The following PHTF2 variants were observed in gnomAD, a reference collection of about 807,000 sequenced individuals.
The protein encoded by PHTF2 is putative homeodomain transcription factor 2.
In PHTF2, 60 loss-of-function variants were observed where a neutral mutation model predicts 101.2. The ratio of observed to expected loss-of-function variants is 0.59; its 90% CI spans 0.48 to 0.73. The LOEUF (loss-of-function observed/expected upper bound fraction) is 0.73, where lower values mean the gene tolerates loss of function less well. PHTF2 is among the 30% of genes least tolerant of loss of function. The pLI is 0.00. For missense variants in PHTF2, 747 were observed against 908.7 expected (o/e 0.82, Z 2.29); for synonymous variants, 311 against 307.3 (o/e 1.01, Z -0.13).
At chr7:77,920,368 G>A (rs764866568) in exon 10 of PHTF2, 1 of 1,611,658 alleles carries the variant, frequency 6.2e-7, no homozygotes, top group East Asian at 2.2e-5. Flanking sequence ...GTTAAAAGCG[G>A]TGAAGATGGA....
chr7:77,817,174 C>A (rs1377791816), intron 1 of PHTF2, among the ~76,000 whole-genome samples: 1 of 152,200 alleles, frequency 6.6e-6, no homozygotes, highest in Non-Finnish European at 1.5e-5. Context: ...TACTAGTTTA[C>A]ATTCCTACCA....
At chr7:77,891,566 A>G (rs1354087326) in intron 3 of PHTF2, among the ~76,000 whole-genome samples, 2 of 130,438 alleles carry the variant, frequency 1.5e-5, no homozygotes, top group African/African-American at 3.4e-5. Flanking sequence ...TTTTGGGGGT[A>G]TAATATGGTT....
intron 15 of PHTF2, among the ~76,000 whole-genome samples, chr7:77,941,243 G>A (rs1016394851): frequency 2.0e-5 from 3 of 152,076 alleles, no homozygotes; most frequent in Non-Finnish European, 4.4e-5. Context: ...AATAATCAAA[G>A]AAGCCCTAAT....
At chr7:77,828,867 C>CA (rs1421536387) in intron 1 of PHTF2, among the ~76,000 whole-genome samples, 3 of 150,964 alleles carry the variant, frequency 2.0e-5, no homozygotes, top group East Asian at 1.9e-4. Flanking sequence ...GACTCCATCT[C>CA]AAAAAAAATA....
rs544431750 is a variant in PHTF2 at position 77,837,130 on chromosome 7, A to G, written c.-35-3091A>G. Among the ~76,000 whole-genome samples, 4 of 152,324 alleles carry G rather than the reference A, an allele frequency of 2.6e-5. No individual in the cohort carries two copies. The East Asian group carries it at 5.8e-4, about 22-fold the overall frequency. On this transcript the variant is annotated intron_variant, in intron 1 of 19. Coordinates refer to ENST00000416283, the Ensembl canonical transcript of PHTF2. ...GATTATTTCTAAATAAATAAAGATT[A>G]TGCATCATAATACCCATCCTTGTAT...
intron 3 of PHTF2, among the ~76,000 whole-genome samples, chr7:77,864,524 T>C (rs1584523824): frequency 6.6e-6 from 1 of 152,232 alleles, no homozygotes; most frequent in South Asian, 2.1e-4. Flanking sequence ...CAACTTTTCT[T>C]ACCTTCTAAC....
chr7:77,914,474 C>T (rs1028985106), intron 9 of PHTF2, among the ~76,000 whole-genome samples: 3 of 152,230 alleles, frequency 2.0e-5, no homozygotes, highest in Non-Finnish European at 2.9e-5. Context: ...TGATGGTTCA[C>T]TGACTGGCTG....
intron 3 of PHTF2, among the ~76,000 whole-genome samples, chr7:77,875,793 G>A (rs1000721569): frequency 1.3e-5 from 2 of 151,984 alleles, no homozygotes; most frequent in African/African-American, 2.4e-5. Context: ...TCCTGACCTC[G>A]TGATCTGCCT....
At chr7:77,832,832 A>G (rs1481544015) in intron 1 of PHTF2, among the ~76,000 whole-genome samples, 1 of 152,088 alleles carries the variant, frequency 6.6e-6, no homozygotes, top group African/African-American at 2.4e-5. Context: ...AATAATAGAA[A>G]TAAAGTATAC....
At chr7:77,944,802 A>G (rs1805911024) in intron 16 of PHTF2, among the ~76,000 whole-genome samples, 1 of 152,246 alleles carries the variant, frequency 6.6e-6, no homozygotes, top group Non-Finnish European at 1.5e-5. Flanking sequence ...TTTGAAAAAG[A>G]ACTTCAGACA....
chr7:77,926,176 C>G (rs145084511), intron 11 of PHTF2, among the ~76,000 whole-genome samples: 68 of 152,270 alleles, frequency 4.5e-4, no homozygotes, highest in Middle Eastern at 3.4e-3. Flanking sequence ...AGTCATCAGG[C>G]CTTTAATCCT....
intron 1 of PHTF2, among the ~76,000 whole-genome samples, chr7:77,800,100 A>G (rs1267544520): frequency 6.6e-6 from 1 of 151,508 alleles, no homozygotes. Context: ...GGCTTTTTTC[A>G]CCATATTTTT....
At chr7:77,944,040 C>T (rs1046231085) in intron 16 of PHTF2, among the ~76,000 whole-genome samples, 1 of 151,954 alleles carries the variant, frequency 6.6e-6, no homozygotes, top group African/African-American at 2.4e-5. Flanking sequence ...AAACAATGCT[C>T]GGGGGAACCC....
At chr7:77,882,908 T>C (rs184136153) in intron 3 of PHTF2, among the ~76,000 whole-genome samples, 4 of 152,174 alleles carry the variant, frequency 2.6e-5, no homozygotes, top group Admixed American at 1.3e-4. Flanking sequence ...ATCTGACTTA[T>C]ACAAACTTCT....
rs1208575413 is a variant in PHTF2, at chr7:77,893,325, A to G, written c.148-283A>G. 2.0e-5 allele frequency among the ~76,000 whole-genome samples: 3 copies of G among 151,828 alleles called. 1 individual carries two copies. The highest frequency in any genetic ancestry group is 4.1e-4 in the South Asian group (2 of 4,820). Reference sequence around the variant, plus strand: ...TCTGTTCAAGAGGGATTTTTAAAACATAGGTTTTGGGGCCTCACTCTTGTA... The same window carrying G: ...TCTGTTCAAGAGGGATTTTTAAAACGTAGGTTTTGGGGCCTCACTCTTGTA... On this transcript the variant is annotated intron_variant, in intron 3 of 19. Coordinates refer to ENST00000416283, the Ensembl canonical transcript of PHTF2.
At chr7:77,854,962 C>G in intron 3 of PHTF2, 2 of 598,972 alleles carry the variant, frequency 3.3e-6, no homozygotes, top group Non-Finnish European at 6.0e-6. Context: ...GCCTGGTGTT[C>G]TACCCTACTG....
At chr7:77,916,652 C>T (rs1802953964) in intron 9 of PHTF2, among the ~76,000 whole-genome samples, 1 of 152,108 alleles carries the variant, frequency 6.6e-6, no homozygotes, top group Admixed American at 6.5e-5. Context: ...CAACCACCCC[C>T]CCACCCAGGA....
At chr7:77,834,888 A>G (rs894266211) in intron 1 of PHTF2, among the ~76,000 whole-genome samples, 1 of 152,212 alleles carries the variant, frequency 6.6e-6, no homozygotes, top group African/African-American at 2.4e-5. Flanking sequence ...CTGTGTGGCC[A>G]CATACTGCTT....
At chr7:77,903,541 T>C (rs1380907313) in intron 7 of PHTF2, among the ~76,000 whole-genome samples, 4 of 152,246 alleles carry the variant, frequency 2.6e-5, no homozygotes, top group African/African-American at 9.6e-5. Context: ...ATATTGTGTC[T>C]GAAATTTACT....
Sources: gnomAD v4.1 joint callset for allele counts (sites outside exome capture counted in the v4.1 genomes callset) on GRCh38, gnomAD v4.1.1 for gene constraint, MANE v1.5 for transcripts, NCBI Gene and HGNC (gene_info 2026-07-23, HGNC 2026-07-21) for gene names.